Variants in FAIM observed in about 807,000 individuals in gnomAD.
The protein encoded by FAIM is Fas apoptotic inhibitory molecule.
In FAIM, 14 loss-of-function variants were observed where a neutral mutation model predicts 21.2. The ratio of observed to expected loss-of-function variants is 0.66; its 90% CI spans 0.44 to 1.03. FAIM has a LOEUF of 1.03. Among genes scored for constraint, FAIM ranks in the 50% least tolerant of loss-of-function variants. The pLI is 0.00. For synonymous variants in FAIM, 86 were observed against 80.4 expected (o/e 1.07, Z -0.37); for missense variants, 222 against 247.1 (o/e 0.90, Z 0.68).
chr3:138,632,882 A>C lies in FAIM; in HGVS notation c.457-48A>C, dbSNP rs535566842. 2.5e-6 allele frequency: 4 copies of C among 1,589,576 alleles called. No individual in the cohort carries two copies. In the African/African-American group the frequency reaches 5.4e-5, roughly 21 times the overall value. On this transcript the variant is annotated intron_variant, in intron 5 of 5. Coordinates refer to ENST00000360570, the MANE Select transcript of FAIM (RefSeq NM_001033031.2). ...TAGATGGTGTGAATGCTCTAGACAG[A>C]GATAAAAGTTTCTGCACCACTAATT...
intron 5 of FAIM, among the ~76,000 whole-genome samples, chr3:138,632,003 G>T (rs184571814): frequency 6.6e-6 from 1 of 151,938 alleles, no homozygotes; most frequent in Non-Finnish European, 1.5e-5. Flanking sequence ...TAGCCAGGGG[G>T]TTTAAGTCTG....
chr3:138,610,107 C>T (rs2042751883), intron 1 of FAIM, among the ~76,000 whole-genome samples: 1 of 152,122 alleles, frequency 6.6e-6, no homozygotes, highest in Admixed American at 6.5e-5. Context: ...GGGGCCTTTG[C>T]TGAAAAGGGA....
rs781692644 is a variant in FAIM, at chr3:138,621,440, C to T, written c.78C>T (p.Leu26=). The T allele has an allele frequency of 3.4e-5, 55 of 1,613,626 alleles. No individual in the cohort carries two copies. The South Asian group carries it at 4.7e-4, about 14-fold the overall frequency. Residue 26 remains leucine (L), a synonymous_variant, in exon 3 of 6, where the codon CTC becomes CTT. Coordinates refer to ENST00000360570, the MANE Select transcript of FAIM (RefSeq NM_001033031.2). The part of the protein sequence containing the change: ...PPYSLEKMTD[L]VAVWDVALSD... ...ACAGCCTAGAAAAAATGACAGATCT[C>T]GTAGCTGTTTGGGATGTTGCTTTAA...
intron 1 of FAIM, among the ~76,000 whole-genome samples, chr3:138,609,420 T>G (rs1368164144): frequency 6.6e-6 from 1 of 152,108 alleles, no homozygotes; most frequent in Non-Finnish European, 1.5e-5. Flanking sequence ...GCCGTGCCGC[T>G]GCTCCCCAGA....
intron 4 of FAIM, among the ~76,000 whole-genome samples, chr3:138,623,453 C>T (rs1038203705): frequency 1.3e-5 from 2 of 152,182 alleles, no homozygotes; most frequent in African/African-American, 4.8e-5. Flanking sequence ...GCAGCCTTGT[C>T]CTCCTGGGCT....
chr3:138,631,380 A>G (rs2043003737), intron 5 of FAIM, among the ~76,000 whole-genome samples: 1 of 152,066 alleles, frequency 6.6e-6, no homozygotes, highest in African/African-American at 2.4e-5. Flanking sequence ...GTACCCCTGT[A>G]CTCCAGCCTG....
chr3:138,617,955 T>C (rs1248694897), intron 1 of FAIM, among the ~76,000 whole-genome samples: 1 of 146,448 alleles, frequency 6.8e-6, no homozygotes, highest in Non-Finnish European at 1.5e-5. Flanking sequence ...ATATAGTAAC[T>C]ATATATTATA....
At chr3:138,629,433 T>TAGC (rs1320180065) in intron 5 of FAIM, 6 of 269,416 alleles carry the variant, frequency 2.2e-5, no homozygotes, top group Non-Finnish European at 3.4e-5. Context: ...GTAAAATACC[T>TAGC]AAAAAGAGCC....
At chr3:138,612,372 A>G (rs576342434) in intron 1 of FAIM, among the ~76,000 whole-genome samples, 65 of 152,210 alleles carry the variant, frequency 4.3e-4, no homozygotes, top group African/African-American at 1.5e-3. Flanking sequence ...AAGTGCTGGG[A>G]TTACAGGCGT....
intron 1 of FAIM, among the ~76,000 whole-genome samples, chr3:138,617,002 G>T (rs1461232447): frequency 6.6e-6 from 1 of 151,988 alleles, no homozygotes; most frequent in Non-Finnish European, 1.5e-5. Context: ...ATTAAAAATT[G>T]CTATTTTTTA....
At chr3:138,619,576 A>T (rs1258455605) in intron 1 of FAIM, 135 bp from the exon 2 acceptor site, 1 of 702,360 alleles carries the variant, frequency 1.4e-6, no homozygotes, top group Non-Finnish European at 2.4e-6. Context: ...AAGCTGTTTC[A>T]TCTGAAACTC....
rs76983223 is a variant in FAIM, at chr3:138,618,241, C to T, written c.-16-1470C>T. 4.7e-4 allele frequency among the ~76,000 whole-genome samples: 72 copies of T among 152,182 alleles called. 1 individual carries two copies. Among genetic ancestry groups the T allele is most frequent in the African/African-American group, 1.7e-3 (70 of 41,556 alleles). On this transcript the variant is annotated intron_variant, in intron 1 of 5. Coordinates refer to ENST00000360570, the MANE Select transcript of FAIM (RefSeq NM_001033031.2). ...TAATCCTTAAGAGTAGAAAAGTTCA[C>T]AAATTTGTGTGGTGCTAATTTTATA...
intron 1 of FAIM, among the ~76,000 whole-genome samples, chr3:138,609,603 T>TCTCTCGA (rs2042743666): frequency 1.2e-5 from 1 of 84,814 alleles, no homozygotes. Flanking sequence ...ACTCTCTCTC[T>TCTCTCGA]CTCTCTCTCG....
intron 4 of FAIM, among the ~76,000 whole-genome samples, chr3:138,624,389 T>C (rs528572789): frequency 6.8e-4 from 103 of 152,326 alleles, no homozygotes; most frequent in Middle Eastern, 3.4e-3. Flanking sequence ...TCCAGGGGCC[T>C]GCTTATCTAC....
chr3:138,630,821 G>A (rs2042997270), intron 5 of FAIM: 1 of 152,078 alleles, frequency 6.6e-6, no homozygotes, highest in South Asian at 2.1e-4. Context: ...CACATGTAAA[G>A]AGAATGCTGT....
chr3:138,620,652 C>T (rs1358807774), intron 2 of FAIM, among the ~76,000 whole-genome samples: 3 of 152,100 alleles, frequency 2.0e-5, no homozygotes, highest in East Asian at 1.9e-4. Context: ...TGCGCCATCA[C>T]GTGTGACTAA....
In FAIM at chr3:138,622,436, G is replaced by A. The variant is rs576875547; in HGVS notation, c.406+20G>A. ...TTTTGGGTAAGTTAGTGCTGTTTCC[G>A]CAGAACTTTTTTTTTTTTTTTATAA... On this transcript the variant is annotated intron_variant, in intron 4 of 5. Transcript: ENST00000360570. 24 of 1,442,626 alleles carry A rather than the reference G, an allele frequency of 1.7e-5. No individual in the cohort carries two copies. The East Asian group carries it at 1.7e-4, about 10-fold the overall frequency. 89.4% of individuals were successfully genotyped at this position (1,442,626 alleles called of 1,614,324 possible).
intron 2 of FAIM, among the ~76,000 whole-genome samples, chr3:138,620,007 C>G (rs954976530): frequency 7.2e-5 from 11 of 152,218 alleles, no homozygotes; most frequent in African/African-American, 2.7e-4. Context: ...TCATTTCTGT[C>G]AGCACAGAGT....
In FAIM at chr3:138,622,410, G is replaced by A; in HGVS notation, c.400G>A (p.Val134Ile). The A allele has an allele frequency of 6.4e-7, 1 of 1,565,264 alleles. No homozygotes were observed. Among genetic ancestry groups the A allele is most frequent in the East Asian group, 2.3e-5 (1 of 43,480 alleles). The change falls in exon 4 of 6, where the codon GTT (valine) becomes ATT (isoleucine). Residue 134 changes from valine (V) to isoleucine (I), a missense_variant. By Grantham distance (29) the Val-to-Ile change is conservative. Coordinates refer to ENST00000360570, the MANE Select transcript of FAIM (RefSeq NM_001033031.2). ...CATGGATGGTGAGAACTTTAGAATT[G>A]TTTTGGGTAAGTTAGTGCTGTTTCC... is the stretch of plus-strand genomic sequence containing the variant. ...LHMDGENFRI[V>I]LEKDAMDVWC...
Sources: allele counts gnomAD v4.1 joint callset (sites outside exome capture counted in the v4.1 genomes callset), GRCh38; gene constraint gnomAD v4.1.1; transcripts MANE v1.5; gene names NCBI Gene and HGNC (gene_info 2026-07-23, HGNC 2026-07-21).